The following SURF4 variants were observed in gnomAD, a reference collection of about 807,000 sequenced individuals.
The protein encoded by SURF4 is surfeit 4, also known as surfeit locus protein 4.
SURF4 carries 3 observed loss-of-function variants against 30.0 expected under a neutral mutation model. The observed-to-expected ratio is 0.10, with a 90% confidence interval of 0.05 to 0.26. SURF4 has a LOEUF of 0.26. Ranked by LOEUF, SURF4 falls within the 10% of genes least tolerant of loss-of-function variation. The pLI, the probability that SURF4 is intolerant of heterozygous loss-of-function variation, is 1.00. For missense variants in SURF4, 217 were observed against 350.8 expected, an observed-to-expected ratio of 0.62 and a Z score of 3.05; for synonymous variants, 143 against 139.9, an observed-to-expected ratio of 1.02 and a Z score of -0.16.
chr9:133,362,770 C>CA lies in SURF4; in HGVS notation c.*722dup, dbSNP rs1321890752. 6.4e-6 allele frequency: 1 copy of CA among 155,200 alleles called. No homozygotes were observed. Among genetic ancestry groups the CA allele is most frequent in the African/African-American group, 2.4e-5 (1 of 41,466 alleles). 9.6% of individuals were successfully genotyped at this position (155,200 alleles called of 1,614,324 possible). The stretch of plus-strand genomic sequence containing the variant: ...TGGAGGCCAGCAGCACCCAGACCAG[C>CA]AGCTTCCCCAAGGACTTCTTGCCCC... On this transcript the variant is annotated 3_prime_UTR_variant, in exon 6 of 6. Transcript: ENST00000371989.
chr9:133,363,412 G>C lies in SURF4; in HGVS notation c.*81C>G. On this transcript the variant is annotated 3_prime_UTR_variant, in exon 6 of 6. Transcript: ENST00000371989. The surrounding 1 kb of genome is among the most constrained non-coding windows in gnomAD (Gnocchi z 4.3). ...GGGGAAGGGAAGAGGATACATAAAA[G>C]CTGGCAGTTTTGTTGAATCCACCCC... The C allele has an allele frequency of 1.9e-6, 3 of 1,608,564 alleles. No homozygotes were observed. The highest frequency in any genetic ancestry group is 1.7e-6 in the Non-Finnish European group (2 of 1,175,578).
At chr9:133,374,342 C>T (rs1043957176) in intron 1 of SURF4, among the ~76,000 whole-genome samples, 3 of 151,542 alleles carry the variant, frequency 2.0e-5, no homozygotes, top group Admixed American at 1.3e-4. Context: ...CACCTGAGGT[C>T]GGGAGTTCGA....
At chr9:133,364,801 C>A in intron 5 of SURF4, 39 bp downstream of exon 5, 1 of 1,609,876 alleles carries the variant, frequency 6.2e-7, no homozygotes, top group African/African-American at 1.3e-5. Context: ...ACAGCATTCA[C>A]AGGAAACCAG....
At chr9:133,366,128 A>G (rs1003359505) in intron 3 of SURF4, 100 bp from the exon 4 acceptor site, 3 of 1,215,076 alleles carry the variant, frequency 2.5e-6, no homozygotes, top group African/African-American at 1.5e-5. Flanking sequence ...TGTCAGCTGG[A>G]GTCTAAAACA....
chr9:133,374,798 CTCTTT>C (rs1837767687), intron 1 of SURF4, among the ~76,000 whole-genome samples: 1 of 152,054 alleles, frequency 6.6e-6, no homozygotes, highest in African/African-American at 2.4e-5. Flanking sequence ...CGGTCACTTA[CTCTTT>C]TCTTTTTTTT....
In SURF4 at chr9:133,370,392, T is replaced by C. The variant is rs2130178999; in HGVS notation, c.49-2947A>G. On this transcript the variant is annotated intron_variant, in intron 1 of 5. Coordinates refer to ENST00000371989, the MANE Select transcript of SURF4 (RefSeq NM_033161.4). ...GAGCACACCTACTGCTTGGCTGTCC[T>C]GGTTTTCAAAGGCAAGCCTGGTCCA... Among the ~76,000 whole-genome samples the C allele has an allele frequency of 5.3e-4, 80 of 152,288 alleles. 1 individual carries two copies. Among genetic ancestry groups the C allele is most frequent in the African/African-American group, 1.8e-3 (75 of 41,566 alleles).
intron 1 of SURF4, among the ~76,000 whole-genome samples, chr9:133,368,262 C>A (rs2130156080): frequency 6.6e-6 from 1 of 152,238 alleles, no homozygotes; most frequent in Non-Finnish European, 1.5e-5. Context: ...TAGGTGACAG[C>A]CAGGGTGCCA....
intron 3 of SURF4, 73 bp downstream of exon 3, chr9:133,366,526 C>A: frequency 6.5e-7 from 1 of 1,530,998 alleles, no homozygotes; most frequent in African/African-American, 1.4e-5. Flanking sequence ...ACTGAACCCT[C>A]AAGGATGTCT....
At chr9:133,376,652 G>A (rs1325754049), upstream of SURF4, 14 of 1,175,864 alleles carry the variant, frequency 1.2e-5, no homozygotes, top group Non-Finnish European at 1.5e-5. Flanking sequence ...CGAGGGCGGC[G>A]AGGGGCCCGC....
intron 1 of SURF4, among the ~76,000 whole-genome samples, chr9:133,374,751 C>CA: frequency 6.6e-6 from 1 of 152,176 alleles, no homozygotes; most frequent in Non-Finnish European, 1.5e-5. Context: ...GATCACCCCC[C>CA]AGGAGGAACG....
intron 1 of SURF4, among the ~76,000 whole-genome samples, chr9:133,373,909 C>CAAAAAAAAAAAAAAAAAAAAAAAAA (rs71824689): frequency 1.9e-4 from 9 of 47,560 alleles, no homozygotes; most frequent in African/African-American, 3.2e-4. Flanking sequence ...AATTCTGTCT[C>CAAAAAAAAAAAAAAAAAAAAAAAAA]AAAAAAAAAA....
chr9:133,368,597 T>C (rs1179034), intron 1 of SURF4, among the ~76,000 whole-genome samples: 10,146 of 152,286 alleles, frequency 0.067, 402 homozygotes, highest in Middle Eastern at 0.12. Flanking sequence ...TCAACAGCAA[T>C]GAAACGCAAG....
Position 133,363,146 on chromosome 9 carries a change from C to T in SURF4, c.*347G>A. 1.8e-6 allele frequency: 1 copy of T among 547,912 alleles called. No homozygotes were observed. The highest frequency in any genetic ancestry group is 3.2e-5 in the East Asian group (1 of 31,632). The allele number at this position is 547,912 out of a possible 1,614,324, so 33.9% of individuals were successfully genotyped here. ...ATGATAATACCAATGCGTCTGCTCA[C>T]AGTACAGCTTGAAGGCCCCCTCCTG... is the stretch of plus-strand genomic sequence containing the variant. On this transcript the variant is annotated 3_prime_UTR_variant, in exon 6 of 6. Coordinates refer to ENST00000371989, the MANE Select transcript of SURF4 (RefSeq NM_033161.4). This position sits in a 1 kb window ranked among gnomAD's most constrained non-coding sequence, Gnocchi z 4.3.
rs1379041875 is a variant in SURF4, at chr9:133,362,594, G to A, written c.*899C>T. 6.6e-6 allele frequency: 1 copy of A among 152,660 alleles called. No individual in the cohort carries two copies. The allele number at this position is 152,660 out of a possible 1,614,324, so 9.5% of individuals were successfully genotyped here. ...GTGAGGTAACTGGGTTGAGTCCGTGGGTCTCCAGTGCTGGGAGCTCCTGCC... is the reference window on the plus strand; with the variant it reads ...GTGAGGTAACTGGGTTGAGTCCGTGAGTCTCCAGTGCTGGGAGCTCCTGCC... On this transcript the variant is annotated 3_prime_UTR_variant, in exon 6 of 6. Transcript: ENST00000371989.
chr9:133,366,879 T>C lies in SURF4; in HGVS notation c.236-204A>G, dbSNP rs2130134047. Among the ~76,000 whole-genome samples the C allele has an allele frequency of 7.2e-5, 11 of 152,236 alleles. No individual in the cohort carries two copies. In the East Asian group the frequency reaches 1.5e-3, roughly 21 times the overall value. On this transcript the variant is annotated intron_variant, in intron 2 of 5. Transcript: ENST00000371989. ...TAGACTTATCACAAACACCAGAAAG[T>C]GGAGCCCTTGCCGTCATAAAGAATG... is the stretch of plus-strand genomic sequence containing the variant.
At chr9:133,369,386 G>A (rs2130169150) in intron 1 of SURF4, among the ~76,000 whole-genome samples, 5 of 152,182 alleles carry the variant, frequency 3.3e-5, no homozygotes, top group Non-Finnish European at 7.3e-5. Flanking sequence ...CCAGCACACC[G>A]TGTGACCTGG....
upstream of SURF4, chr9:133,376,606 G>A: frequency 3.3e-6 from 5 of 1,508,378 alleles, no homozygotes; most frequent in Non-Finnish European, 4.5e-6. Flanking sequence ...GTGGGGTAAC[G>A]GTCGCAACCC....
chr9:133,377,799 T>A (rs2130255668), upstream of SURF4, among the ~76,000 whole-genome samples: 3 of 152,206 alleles, frequency 2.0e-5, no homozygotes, highest in Non-Finnish European at 2.9e-5. Flanking sequence ...AGTGTGCAGT[T>A]CATTTCTATT....
At chr9:133,364,347 G>T (rs1399005539) in intron 5 of SURF4, among the ~76,000 whole-genome samples, 1 of 152,194 alleles carries the variant, frequency 6.6e-6, no homozygotes, top group Non-Finnish European at 1.5e-5. Context: ...TGGAAAGAAG[G>T]CTTGACACAC....
Sources: gnomAD v4.1 joint callset for allele counts (sites outside exome capture counted in the v4.1 genomes callset) on GRCh38, gnomAD v4.1.1 for gene constraint, Gnocchi (gnomAD v3.1) non-coding constraint, MANE v1.5 for transcripts, NCBI Gene and HGNC (gene_info 2026-07-23, HGNC 2026-07-21) for gene names.